ZNF516: variants seen among roughly 807,000 people sequenced by gnomAD.
ZNF516 encodes the protein zinc finger protein 516.
In ZNF516, 19 loss-of-function variants were observed where a neutral mutation model predicts 79.7. That is an observed-to-expected ratio of 0.24 (90% CI 0.17 to 0.35). ZNF516 has a LOEUF of 0.35. ZNF516 is among the 10% of genes least tolerant of loss of function. ZNF516 has a pLI of 1.00. For synonymous variants in ZNF516, 877 were observed against 739.5 expected (o/e 1.19, Z -3.02); for missense variants, 1,678 against 1,679.5 (o/e 1.00, Z 0.02).
At chr18:76,483,547 C>T (rs1024918802) in intron 1 of ZNF516, among the ~76,000 whole-genome samples, 1 of 152,134 alleles carries the variant, frequency 6.6e-6, no homozygotes, top group Admixed American at 6.5e-5. Context: ...CCCATGAGTG[C>T]CAAATGTCCC....
chr18:76,416,297 G>A (rs1184443921), intron 3 of ZNF516, among the ~76,000 whole-genome samples: 1 of 152,196 alleles, frequency 6.6e-6, no homozygotes, highest in Non-Finnish European at 1.5e-5. Flanking sequence ...GGAATGAAGC[G>A]CCCTGGCCTT....
intron 4 of ZNF516, among the ~76,000 whole-genome samples, chr18:76,373,453 C>T (rs2074739773): frequency 6.6e-6 from 1 of 152,186 alleles, no homozygotes; most frequent in Non-Finnish European, 1.5e-5. Context: ...CTGAATACTC[C>T]GGTTGTCTGG....
chr18:76,446,203 C>T (rs762869311), intron 2 of ZNF516, among the ~76,000 whole-genome samples: 1 of 152,188 alleles, frequency 6.6e-6, no homozygotes, highest in Non-Finnish European at 1.5e-5. Flanking sequence ...AAGCCCCTTG[C>T]AAATGCCTCC....
Position 76,379,452 on chromosome 18 carries a change from T to A in ZNF516, c.2662A>T (p.Thr888Ser), listed in dbSNP as rs780814010. ...GGCTCCTGGCCGTGACAAGGTTTGGTCTGTCGATACCCGTCAGGGCCGGGC... is the reference window on the plus strand; with the variant it reads ...GGCTCCTGGCCGTGACAAGGTTTGGACTGTCGATACCCGTCAGGGCCGGGC... The part of the protein sequence containing the change: ...WAPGPDGYRQ[T>S]KPCHGQEPHG... Residue 888 changes from threonine (T) to serine (S), a missense_variant, in exon 4 of 7, where the codon ACC (threonine) becomes TCC (serine). Coordinates refer to ENST00000443185, the MANE Select transcript of ZNF516 (RefSeq NM_014643.4). 6.2e-7 allele frequency: 1 copy of A among 1,613,350 alleles called. No homozygotes were observed. Among genetic ancestry groups the A allele is most frequent in the Non-Finnish European group, 8.5e-7 (1 of 1,179,832 alleles).
intron 2 of ZNF516, among the ~76,000 whole-genome samples, chr18:76,455,304 A>G (rs977950313): frequency 6.6e-6 from 1 of 152,238 alleles, no homozygotes; most frequent in Non-Finnish European, 1.5e-5. Context: ...TTCTACAACC[A>G]CGGTCATTTT....
chr18:76,450,617 C>G (rs1018862657), intron 2 of ZNF516, among the ~76,000 whole-genome samples: 1 of 152,182 alleles, frequency 6.6e-6, no homozygotes, highest in African/African-American at 2.4e-5. Context: ...TCCCGAACAT[C>G]AGCCAAAATT....
In ZNF516 at chr18:76,358,118, A is replaced by C. The variant is rs2074481681; in HGVS notation, c.*4380T>G. ...TATGTTCAGCCAACAAAAATAAATAACCACAGACCAAAGCGGGCTGTCAAA... is the reference window on the plus strand; with the variant it reads ...TATGTTCAGCCAACAAAAATAAATACCCACAGACCAAAGCGGGCTGTCAAA... On this transcript the variant is annotated 3_prime_UTR_variant, in exon 7 of 7. Transcript: ENST00000443185. 6.6e-6 allele frequency: 1 copy of C among 152,196 alleles called. No homozygotes were observed. Among genetic ancestry groups the C allele is most frequent in the Non-Finnish European group, 1.5e-5 (1 of 68,042 alleles). 9.4% of individuals were successfully genotyped at this position (152,196 alleles called of 1,614,324 possible).
At chr18:76,447,127 T>C (rs1012368186) in intron 2 of ZNF516, among the ~76,000 whole-genome samples, 1 of 152,252 alleles carries the variant, frequency 6.6e-6, no homozygotes, top group African/African-American at 2.4e-5. Context: ...GTAATCATTC[T>C]TTTTAGCTGC....
At chr18:76,364,703 G>T (rs75482424) in intron 6 of ZNF516, among the ~76,000 whole-genome samples, 5,400 of 152,228 alleles carry the variant, frequency 0.035, 346 homozygotes, top group African/African-American at 0.12. Flanking sequence ...CATGCCCCAG[G>T]ACACACGGGG....
At chr18:76,407,652 T>A (rs762521719) in intron 3 of ZNF516, among the ~76,000 whole-genome samples, 3 of 152,180 alleles carry the variant, frequency 2.0e-5, no homozygotes, top group Non-Finnish European at 4.4e-5. Flanking sequence ...CCTTAACTCT[T>A]TCATCCTTTC....
At chr18:76,449,516 C>T (rs1912267254) in intron 2 of ZNF516, among the ~76,000 whole-genome samples, 1 of 152,256 alleles carries the variant, frequency 6.6e-6, no homozygotes, top group Admixed American at 6.5e-5. Context: ...CCCAGTTCTG[C>T]CACTACCTGA....
upstream of ZNF516, chr18:76,495,888 A>G: frequency 2.2e-6 from 1 of 447,002 alleles, no homozygotes; most frequent in South Asian, 3.0e-5. Flanking sequence ...TTAAGTCCTG[A>G]ATCAAGGGTC....
At position 76,371,563 on chromosome 18, in the gene ZNF516, G is replaced by A. The variant is rs752003328; in HGVS notation, c.3268C>T (p.Arg1090Trp). 35 of 1,609,614 alleles carry A rather than the reference G, an allele frequency of 2.2e-5. No individual in the cohort carries two copies. The highest frequency in any genetic ancestry group is 2.6e-5 in the Non-Finnish European group (31 of 1,179,542). The part of the protein sequence containing the change: ...GPGLEHRGTL[R>W]TQARPGEFVC... ...AACTCTCCTGGCCGGGCCTGCGTCC[G>A]GAGTGTCCCTGCGGTGGCGAGGTGG... Residue 1090 changes from arginine to tryptophan, a missense_variant, in exon 5 of 7, where the codon CGG (arginine) becomes TGG (tryptophan). Arg to Trp is a moderately radical substitution (Grantham distance 101, BLOSUM62 -3). This residue lies in a region of ZNF516 where 1,294 missense variants were observed against 1,248.3 expected (regional missense o/e 1.04). Coordinates refer to ENST00000443185, the MANE Select transcript of ZNF516 (RefSeq NM_014643.4).
chr18:76,484,185 G>A (rs1266348719), intron 1 of ZNF516, among the ~76,000 whole-genome samples: 1 of 152,188 alleles, frequency 6.6e-6, no homozygotes, highest in Admixed American at 6.5e-5. Context: ...AAAAGGCTAA[G>A]CTGGGAATCA....
intron 2 of ZNF516, among the ~76,000 whole-genome samples, chr18:76,454,312 GA>G (rs1912593766): frequency 6.6e-6 from 1 of 152,204 alleles, no homozygotes; most frequent in Admixed American, 6.5e-5. Flanking sequence ...CAGATACGCT[GA>G]AACTAAGAAG....
intron 3 of ZNF516, chr18:76,386,882 G>A (rs748727999): frequency 2.6e-5 from 4 of 152,112 alleles, no homozygotes; most frequent in Non-Finnish European, 5.9e-5. Context: ...CATCATGATG[G>A]TTCCCACAGG....
intron 3 of ZNF516, among the ~76,000 whole-genome samples, chr18:76,423,249 C>A (rs1250136992): frequency 6.6e-6 from 1 of 152,244 alleles, no homozygotes; most frequent in Non-Finnish European, 1.5e-5. Context: ...CTGCACAGAT[C>A]AAATGCTAGG....
At chr18:76,491,662 GC>G in intron 1 of ZNF516, 3 of 661,294 alleles carry the variant, frequency 4.5e-6, no homozygotes, top group Non-Finnish European at 5.6e-6. Flanking sequence ...GCAACAAGCG[GC>G]CACCGCCCCC....
intron 2 of ZNF516, among the ~76,000 whole-genome samples, chr18:76,447,032 C>G (rs1313668583): frequency 6.6e-6 from 1 of 152,200 alleles, no homozygotes; most frequent in African/African-American, 2.4e-5. Context: ...CAAAGTTTCT[C>G]AAACCTTAAA....
Sources: allele counts gnomAD v4.1 joint callset (sites outside exome capture counted in the v4.1 genomes callset), GRCh38; gene constraint gnomAD v4.1.1; regional missense constraint gnomAD v4.1.1; transcripts MANE v1.5; gene names NCBI Gene and HGNC (gene_info 2026-07-23, HGNC 2026-07-21).